Variants in PARD3B observed in about 807,000 individuals in gnomAD.
PARD3B encodes the protein par-3 family cell polarity regulator beta.
PARD3B carries 103 observed loss-of-function variants against 130.2 expected under a neutral mutation model. That is an observed-to-expected ratio of 0.79 (90% CI 0.67 to 0.93). PARD3B has a LOEUF of 0.93. Ranked by LOEUF, PARD3B falls within the 40% of genes least tolerant of loss-of-function variation. The pLI, the probability that PARD3B is intolerant of heterozygous loss-of-function variation, is 0.00. For missense variants in PARD3B, 1,609 were observed against 1,499.2 expected (o/e 1.07, Z -1.21); for synonymous variants, 583 against 553.2 (o/e 1.05, Z -0.76).
At chr2:205,225,524 A>G (rs10165609) in intron 15 of PARD3B, among the ~76,000 whole-genome samples, 15,206 of 152,212 alleles carry the variant, frequency 0.1, 979 homozygotes, top group East Asian at 0.32. Flanking sequence ...CAGATGGTAT[A>G]TTAGTCTGTT....
chr2:205,489,810 G>T (rs951395071), intron 20 of PARD3B, among the ~76,000 whole-genome samples: 1 of 151,888 alleles, frequency 6.6e-6, no homozygotes, highest in African/African-American at 2.4e-5. Flanking sequence ...TACACTGTCG[G>T]GGTCACTCCT....
chr2:204,741,282 C>T (rs1033395011), intron 2 of PARD3B, among the ~76,000 whole-genome samples: 1 of 152,066 alleles, frequency 6.6e-6, no homozygotes, highest in Non-Finnish European at 1.5e-5. Context: ...TTGCCTTGTT[C>T]CTGGCTTTCT....
rs550529426 is a variant in PARD3B at position 204,566,727 on chromosome 2, A to G, written c.120+20608A>G. On this transcript the variant is annotated intron_variant, in intron 1 of 22. Coordinates refer to ENST00000406610, the MANE Select transcript of PARD3B (RefSeq NM_001302769.2). ...TTTGTTAATGTTTTTGTTTATTTAT[A>G]ATTTTCCTCAGGGTTGTTTTGATTT... Among the ~76,000 whole-genome samples, 258 of 152,264 alleles carry G rather than the reference A, an allele frequency of 1.7e-3. 1 individual carries two copies. Among genetic ancestry groups the G allele is most frequent in the African/African-American group, 5.7e-3 (238 of 41,564 alleles).
intron 2 of PARD3B, among the ~76,000 whole-genome samples, chr2:204,783,476 A>G (rs914091336): frequency 6.6e-5 from 10 of 152,122 alleles, no homozygotes; most frequent in Admixed American, 3.9e-4. Flanking sequence ...TCAAGGGCCT[A>G]TCTCCAGATA....
chr2:205,531,390 C>T (rs1431193678), intron 21 of PARD3B, among the ~76,000 whole-genome samples: 1 of 152,160 alleles, frequency 6.6e-6, no homozygotes, highest in African/African-American at 2.4e-5. Context: ...GAGCTGAGGT[C>T]TAAACAGTCT....
Position 205,550,866 on chromosome 2 carries a change from GTATA to G in PARD3B, c.3181-2454_3181-2451del, listed in dbSNP as rs1386149815. 6.7e-4 allele frequency among the ~76,000 whole-genome samples: 98 copies of G among 145,358 alleles called. No homozygotes were observed. Among genetic ancestry groups the G allele is most frequent in the African/African-American group, 2.4e-3 (97 of 40,040 alleles). On this transcript the variant is annotated intron_variant, in intron 21 of 22. Coordinates refer to ENST00000406610, the MANE Select transcript of PARD3B (RefSeq NM_001302769.2). The surrounding 1 kb of genome is among the most constrained non-coding windows in gnomAD (Gnocchi z 4.5). Reference sequence around the variant, plus strand: ...GAATATTTTATATGTATATTTGTATGTATATATGTATATTTGTATGTATATATAC... The same window carrying G: ...GAATATTTTATATGTATATTTGTATGTATGTATATTTGTATGTATATATAC...
chr2:204,807,473 T>C (rs998565274), intron 2 of PARD3B, among the ~76,000 whole-genome samples: 2 of 152,108 alleles, frequency 1.3e-5, no homozygotes, highest in Non-Finnish European at 2.9e-5. Context: ...TACCATATGA[T>C]GTAGCAGTCT....
At chr2:205,615,375 CA>C (rs2055389093) in intron 22 of PARD3B, 80 bp from the exon 23 acceptor site, 1 of 1,237,516 alleles carries the variant, frequency 8.1e-7, no homozygotes, top group Admixed American at 2.2e-5. Flanking sequence ...CACCAAACTG[CA>C]CAGGAGGCTG....
intron 19 of PARD3B, among the ~76,000 whole-genome samples, chr2:205,409,518 G>C (rs2046525458): frequency 6.6e-6 from 1 of 152,152 alleles, no homozygotes; most frequent in African/African-American, 2.4e-5. Flanking sequence ...CTATAGACCA[G>C]AGATGGAAAC....
intron 21 of PARD3B, among the ~76,000 whole-genome samples, chr2:205,509,449 T>C (rs1193319547): frequency 3.3e-5 from 5 of 152,176 alleles, no homozygotes; most frequent in Middle Eastern, 3.4e-3. Flanking sequence ...TGACCATTAA[T>C]TCCCCTACCT....
At chr2:204,766,467 T>C (rs1009103559) in intron 2 of PARD3B, among the ~76,000 whole-genome samples, 2 of 152,142 alleles carry the variant, frequency 1.3e-5, no homozygotes, top group Non-Finnish European at 2.9e-5. Context: ...AGCCTGAAGT[T>C]TGTCATAAGT....
chr2:204,632,024 A>G (rs1229925320), intron 1 of PARD3B, among the ~76,000 whole-genome samples: 1 of 152,190 alleles, frequency 6.6e-6, no homozygotes. Context: ...AGAAATTTAT[A>G]GTAGCCAGAG....
chr2:205,331,788 A>G lies in PARD3B; in HGVS notation c.2630+30087A>G, dbSNP rs564793983. The stretch of plus-strand genomic sequence containing the variant: ...ACAGAGTGAGACTCCGTCTCAAAAA[A>G]AAAAAAAAAAAAAAAAAGAAGTAGA... On this transcript the variant is annotated intron_variant, in intron 18 of 22. Transcript: ENST00000406610. Among the ~76,000 whole-genome samples the G allele has an allele frequency of 1.2e-3, 169 of 145,042 alleles. 5 individuals carry two copies. Among genetic ancestry groups the G allele is most frequent in the African/African-American group, 4.3e-3 (159 of 36,882 alleles).
chr2:205,041,989 G>C (rs981618495), intron 3 of PARD3B, among the ~76,000 whole-genome samples: 4 of 152,114 alleles, frequency 2.6e-5, no homozygotes, highest in Non-Finnish European at 4.4e-5. Flanking sequence ...AAAATCCACT[G>C]AGAGGGAGAG....
intron 2 of PARD3B, among the ~76,000 whole-genome samples, chr2:204,823,300 CTAT>C (rs1209641144): frequency 6.6e-6 from 1 of 151,868 alleles, no homozygotes; most frequent in Non-Finnish European, 1.5e-5. Flanking sequence ...ATTACATGTA[CTAT>C]TATTTTATTG....
intron 20 of PARD3B, among the ~76,000 whole-genome samples, chr2:205,464,355 C>G (rs1300745546): frequency 6.6e-6 from 1 of 152,116 alleles, no homozygotes; most frequent in East Asian, 1.9e-4. Context: ...TTTTAAATTC[C>G]TTTCCATCCA....
At chr2:205,526,030 C>T (rs1006109514) in intron 21 of PARD3B, among the ~76,000 whole-genome samples, 5 of 152,226 alleles carry the variant, frequency 3.3e-5, no homozygotes, top group Non-Finnish European at 7.3e-5. Context: ...AGGCTGCTGT[C>T]TCCAGTACCC....
At chr2:204,709,471 G>A (rs1022089857) in intron 2 of PARD3B, among the ~76,000 whole-genome samples, 2 of 152,204 alleles carry the variant, frequency 1.3e-5, no homozygotes, top group Non-Finnish European at 2.9e-5. Context: ...GAGCATATGT[G>A]TCTTTTATTA....
At chr2:205,378,888 G>A (rs533376718) in intron 18 of PARD3B, among the ~76,000 whole-genome samples, 7 of 151,496 alleles carry the variant, frequency 4.6e-5, no homozygotes, top group Admixed American at 1.3e-4. Context: ...CCTCGGCCTC[G>A]CAAAGTGCTG....
Sources: gnomAD v4.1 joint callset for allele counts (sites outside exome capture counted in the v4.1 genomes callset) on GRCh38, gnomAD v4.1.1 for gene constraint, Gnocchi (gnomAD v3.1) non-coding constraint, MANE v1.5 for transcripts, NCBI Gene and HGNC (gene_info 2026-07-23, HGNC 2026-07-21) for gene names.